The following DCAF6 variants were observed in gnomAD, a reference collection of about 807,000 sequenced individuals.
The protein encoded by DCAF6 is DDB1- and CUL4-associated factor 6.
A neutral mutation model predicts 125.1 loss-of-function variants in DCAF6; 54 were observed. The observed-to-expected ratio is 0.43, with a 90% CI of 0.35 to 0.54. DCAF6 has a LOEUF of 0.54. DCAF6 is among the 20% of genes least tolerant of loss of function. The pLI is 0.01. For synonymous variants in DCAF6, 371 were observed against 390.4 expected (o/e 0.95, Z 0.58); for missense variants, 934 against 1,161.7 (o/e 0.80, Z 2.85).
intron 2 of DCAF6, among the ~76,000 whole-genome samples, chr1:167,953,615 C>A (rs202272): frequency 1.3e-5 from 2 of 151,682 alleles, no homozygotes; most frequent in East Asian, 1.9e-4. Context: ...TATTATTATT[C>A]TTTGATATGG....
At chr1:167,931,701 A>G (rs1450048052), upstream of DCAF6, among the ~76,000 whole-genome samples, 1 of 152,112 alleles carries the variant, frequency 6.6e-6, no homozygotes, top group Non-Finnish European at 1.5e-5. Context: ...GATCCATATT[A>G]GATTTTATTT....
intron 16 of DCAF6, among the ~76,000 whole-genome samples, chr1:168,050,400 G>T (rs1218167700): frequency 6.6e-6 from 1 of 152,158 alleles, no homozygotes; most frequent in Non-Finnish European, 1.5e-5. Flanking sequence ...ATTGCAGAGA[G>T]AAAAGATGTA....
chr1:167,936,579 C>G (rs957966945), upstream of DCAF6: 4 of 305,706 alleles, frequency 1.3e-5, no homozygotes, highest in Non-Finnish European at 2.5e-5. Context: ...AAAGGGTTGG[C>G]GGGGAGGGTA....
chr1:168,015,411 G>A (rs1284972198), intron 10 of DCAF6, among the ~76,000 whole-genome samples: 5 of 152,002 alleles, frequency 3.3e-5, no homozygotes, highest in Admixed American at 3.3e-4. Flanking sequence ...TTAAATTTTT[G>A]TGTATAAATC....
chr1:167,996,123 G>C (rs990825205), intron 7 of DCAF6, among the ~76,000 whole-genome samples: 1 of 152,060 alleles, frequency 6.6e-6, no homozygotes, highest in African/African-American at 2.4e-5. Flanking sequence ...TAATATTTTT[G>C]TATTTTCTCA....
intron 19 of DCAF6, 102 bp from the exon 20 acceptor site, chr1:168,066,275 G>C (rs1015396050): frequency 3.2e-6 from 2 of 623,324 alleles, no homozygotes; most frequent in South Asian, 3.1e-5. Flanking sequence ...TACAATTGCT[G>C]TTCAAGGTTA....
At chr1:167,882,416 C>T in the DCAF6 span, among the ~76,000 whole-genome samples, 423 of 139,428 alleles carry the variant, frequency 3.0e-3, 1 homozygote, top group African/African-American at 0.011. Context: ...ACCCGGGAGG[C>T]GGAGGTTTCA....
At chr1:168,056,174 A>G (rs1429788048) in intron 17 of DCAF6, 4 of 1,607,304 alleles carry the variant, frequency 2.5e-6, no homozygotes, top group Non-Finnish European at 3.4e-6. Context: ...GACTACAATA[A>G]ACAACATCTC....
chr1:167,925,442 C>CACATATATATAT, the DCAF6 span, among the ~76,000 whole-genome samples: 10 of 82,472 alleles, frequency 1.2e-4, no homozygotes, highest in South Asian at 4.1e-4. Context: ...TACATATACA[C>CACATATATATAT]ATATATATAT....
chr1:167,899,335 T>A, the DCAF6 span: 1 of 1,348,250 alleles, frequency 7.4e-7, no homozygotes, highest in Non-Finnish European at 1.1e-6. Flanking sequence ...AGGAGCTTTA[T>A]GAAACCAGCG....
chr1:167,936,933 C>G lies in DCAF6; in HGVS notation c.22C>G (p.Pro8Ala). Residue 8 changes from proline (P) to alanine (A), a missense_variant, in exon 1 of 22, where the codon CCA becomes GCA. Around this residue, in one of 5 missense-constraint regions of DCAF6, gnomAD observed 309 missense variants for 381.2 expected, o/e 0.81. Coordinates refer to ENST00000367840, the MANE Select transcript of DCAF6 (RefSeq NM_001198956.2). Reference protein sequence around the residue: MSRGGSYPHLLWDVRKRS... With the variant: MSRGGSYAHLLWDVRKRS... ...AGCCATGTCTCGGGGTGGCTCCTAC[C>G]CACACCTGTTGTGGGACGTGAGGAA... The G allele has an allele frequency of 2.5e-6, 4 of 1,608,598 alleles. No homozygotes were observed. The highest frequency in any genetic ancestry group is 3.4e-6 in the Non-Finnish European group (4 of 1,178,366).
intron 17 of DCAF6, among the ~76,000 whole-genome samples, chr1:168,062,117 A>C (rs930209878): frequency 1.3e-5 from 2 of 152,192 alleles, no homozygotes; most frequent in African/African-American, 4.8e-5. Flanking sequence ...GGTGAATCTT[A>C]CAAACATAAT....
chr1:168,058,552 T>G (rs906872347), intron 17 of DCAF6, among the ~76,000 whole-genome samples: 6 of 152,142 alleles, frequency 3.9e-5, no homozygotes, highest in African/African-American at 1.4e-4. Flanking sequence ...CAGCCTGATC[T>G]CCTGATCTGG....
chr1:167,918,950 T>C, the DCAF6 span, among the ~76,000 whole-genome samples: 1 of 152,140 alleles, frequency 6.6e-6, no homozygotes, highest in East Asian at 1.9e-4. Context: ...AAGTATTATT[T>C]TAATAAAAAT....
At chr1:168,000,366 C>T (rs911550679) in intron 7 of DCAF6, among the ~76,000 whole-genome samples, 2 of 152,054 alleles carry the variant, frequency 1.3e-5, no homozygotes, top group African/African-American at 4.8e-5. Flanking sequence ...TGAGCACATG[C>T]TATTGGAAAA....
At chr1:167,947,855 A>G (rs1673308572) in intron 1 of DCAF6, among the ~76,000 whole-genome samples, 1 of 152,200 alleles carries the variant, frequency 6.6e-6, no homozygotes, top group South Asian at 2.1e-4. Flanking sequence ...GTTGTTGGAT[A>G]GAATGTTTTG....
At chr1:167,908,590 A>G in the DCAF6 span, among the ~76,000 whole-genome samples, 1 of 152,224 alleles carries the variant, frequency 6.6e-6, no homozygotes, top group Non-Finnish European at 1.5e-5. Flanking sequence ...GTGAGATGAT[A>G]CGTTAATTAC....
In DCAF6 at chr1:168,072,212, G is replaced by A. The variant is rs142867161; in HGVS notation, c.2792-3159G>A. 9.4e-3 allele frequency among the ~76,000 whole-genome samples: 1,323 copies of A among 140,540 alleles called. 17 individuals carry two copies. The highest frequency in any genetic ancestry group is 0.033 in the African/African-American group (1,267 of 38,046). The allele number at this position is 140,540 out of a possible 152,430, so 92.2% of individuals were successfully genotyped here. On this transcript the variant is annotated intron_variant, in intron 21 of 21. Transcript: ENST00000367840. Reference sequence around the variant, plus strand: ...CTTGGGAGGCTGAGGCAGGAGAATCGCCTGAACCCAGGAGGTGGAGGTTGT... The same window carrying A: ...CTTGGGAGGCTGAGGCAGGAGAATCACCTGAACCCAGGAGGTGGAGGTTGT...
At chr1:168,001,859 G>C (rs531851455) in intron 7 of DCAF6, among the ~76,000 whole-genome samples, 3 of 152,212 alleles carry the variant, frequency 2.0e-5, no homozygotes, top group East Asian at 3.9e-4. Flanking sequence ...GAAAGTTGTA[G>C]ATGTAGATTT....
Sources: gnomAD v4.1 joint callset for allele counts (sites outside exome capture counted in the v4.1 genomes callset) on GRCh38, gnomAD v4.1.1 for gene constraint, gnomAD v4.1.1 regional missense constraint, MANE v1.5 for transcripts, NCBI Gene and HGNC (gene_info 2026-07-23, HGNC 2026-07-21) for gene names.